Variants in MGRN1 observed in about 807,000 individuals in gnomAD.
MGRN1 encodes mahogunin ring finger 1, also known as E3 ubiquitin-protein ligase MGRN1.
Under a neutral mutation model 69.2 loss-of-function variants are expected in MGRN1, and 29 were observed. That is an observed-to-expected ratio of 0.42 (90% CI 0.31 to 0.57). MGRN1 has a LOEUF of 0.57. MGRN1 is among the 20% of genes least tolerant of loss of function. The probability of loss-of-function intolerance (pLI) is 0.15; values close to 1 mark genes in which losing one functional copy is unlikely to be tolerated. For missense variants in MGRN1, 998 were observed against 796.2 expected (o/e 1.25, Z -3.05); for synonymous variants, 470 against 344.2 (o/e 1.37, Z -4.04).
intron 1 of MGRN1, among the ~76,000 whole-genome samples, chr16:4,635,801 A>ACT (rs1898256778): frequency 8.0e-6 from 1 of 125,696 alleles, no homozygotes; most frequent in African/African-American, 3.2e-5. Flanking sequence ...CGCCCAGCTA[A>ACT]TTTTTTTTTT....
intron 5 of MGRN1, among the ~76,000 whole-genome samples, chr16:4,662,495 A>C (rs558060860): frequency 3.5e-4 from 53 of 151,762 alleles, no homozygotes; most frequent in Non-Finnish European, 6.3e-4. Flanking sequence ...CATCCTGGGT[A>C]ACAGATCAAG....
chr16:4,658,790 A>C (rs1470725902), intron 5 of MGRN1: 2 of 152,254 alleles, frequency 1.3e-5, no homozygotes, highest in Non-Finnish European at 2.9e-5. Context: ...GGATCATTTG[A>C]GGCCAGGAGT....
chr16:4,665,271 C>G lies in MGRN1; in HGVS notation c.678+120C>G, dbSNP rs944256976. On this transcript the variant is annotated intron_variant, in intron 7 of 16. Coordinates refer to ENST00000262370, the MANE Select transcript of MGRN1 (RefSeq NM_015246.4). ...GGTGGGGTGGCTGAGTGTCAAGGGC[C>G]CCGGGGCAGGTTGGGGCGTGTCTGT... The G allele has an allele frequency of 1.5e-5, 16 of 1,069,726 alleles. No homozygotes were observed. The African/African-American group carries it at 2.3e-4, about 16-fold the overall frequency. 66.3% of individuals were successfully genotyped at this position (1,069,726 alleles called of 1,614,324 possible). A position where few individuals can be genotyped will look rare whatever the true frequency, so the allele number is the denominator to read the frequency against.
chr16:4,668,931 C>G (rs2078875552), intron 8 of MGRN1, among the ~76,000 whole-genome samples: 2 of 152,106 alleles, frequency 1.3e-5, no homozygotes, highest in Non-Finnish European at 1.5e-5. Context: ...TACATACACA[C>G]AATCACTTGC....
chr16:4,650,999 C>T (rs2078394330), intron 2 of MGRN1: 1 of 151,986 alleles, frequency 6.6e-6, no homozygotes, highest in Non-Finnish European at 1.5e-5. Flanking sequence ...ATCCCAACTA[C>T]TCGGGAGGCT....
intron 1 of MGRN1, among the ~76,000 whole-genome samples, chr16:4,626,768 T>A (rs1897698963): frequency 6.6e-6 from 1 of 152,208 alleles, no homozygotes; most frequent in South Asian, 2.1e-4. Flanking sequence ...TCATTGCTAA[T>A]CACTCGTGGC....
rs545297167 is a variant in MGRN1, at chr16:4,636,046, C to G, written c.88+10998C>G. On this transcript the variant is annotated intron_variant, in intron 1 of 16. Coordinates refer to ENST00000262370, the MANE Select transcript of MGRN1 (RefSeq NM_015246.4). ...TGAACTCTTGACCTCAGGTGATCCA[C>G]CTGCCTCGGCCTCTGCAAGTGCTGG... Among the ~76,000 whole-genome samples the G allele has an allele frequency of 3.2e-3, 487 of 152,118 alleles. 1 individual carries two copies. Among genetic ancestry groups the G allele is most frequent in the Non-Finnish European group, 4.2e-3 (283 of 68,000 alleles).
chr16:4,655,209 C>G (rs1346230709), intron 4 of MGRN1, among the ~76,000 whole-genome samples: 2 of 152,148 alleles, frequency 1.3e-5, no homozygotes, highest in African/African-American at 2.4e-5. Flanking sequence ...GCTGAGGACA[C>G]AGGCCAGTGT....
At chr16:4,669,674 C>T (rs189621357) in intron 8 of MGRN1, among the ~76,000 whole-genome samples, 206 of 152,284 alleles carry the variant, frequency 1.4e-3, no homozygotes, top group African/African-American at 4.3e-3. Flanking sequence ...ACAAAGTCTG[C>T]AACTCCTTCT....
intron 16 of MGRN1, chr16:4,687,212 C>CCA (rs771719313): frequency 1.1e-5 from 11 of 985,174 alleles, no homozygotes; most frequent in Non-Finnish European, 1.3e-5. Flanking sequence ...CCCCATCCCC[C>CCA]CCAAGAGGCG....
At position 4,673,085 on chromosome 16, in the gene MGRN1, G is replaced by A. The variant is rs565964688; in HGVS notation, c.796-413G>A. 4.6e-5 allele frequency among the ~76,000 whole-genome samples: 7 copies of A among 152,232 alleles called. No homozygotes were observed. The South Asian group carries it at 6.2e-4, about 14-fold the overall frequency. ...GATCTCCTGACCTCGTGATCTGCCCGCCTCAGCCTCCCAAAGTGCTGGGAT... is the reference window on the plus strand; with the variant it reads ...GATCTCCTGACCTCGTGATCTGCCCACCTCAGCCTCCCAAAGTGCTGGGAT... On this transcript the variant is annotated intron_variant, in intron 9 of 16. Transcript: ENST00000262370.
intron 16 of MGRN1, 123 bp from the exon 17 acceptor site, chr16:4,688,673 C>T: frequency 6.9e-7 from 1 of 1,445,320 alleles, no homozygotes; most frequent in Non-Finnish European, 9.2e-7. Flanking sequence ...CTGTTGTGGC[C>T]ACAGGCGGCG....
intron 16 of MGRN1, among the ~76,000 whole-genome samples, chr16:4,684,272 C>T (rs1241953168): frequency 1.3e-5 from 2 of 152,234 alleles, no homozygotes; most frequent in East Asian, 3.8e-4. Context: ...GCTGCTCACG[C>T]CAGGAGGGCA....
In MGRN1 at chr16:4,650,570, C is replaced by G. The variant is rs1567191303; in HGVS notation, c.207+87C>G. ...TCCGCATCCCAGCCATGAGGGCAAG[C>G]AGGCACCAAATCACCCCTAAAGGGG... On this transcript the variant is annotated intron_variant, in intron 2 of 16. Transcript: ENST00000262370. 7.4e-6 allele frequency: 8 copies of G among 1,088,170 alleles called. No homozygotes were observed. In the East Asian group the frequency reaches 1.8e-4, roughly 24 times the overall value. 67.4% of individuals were successfully genotyped at this position (1,088,170 alleles called of 1,614,324 possible). A position where few individuals can be genotyped will look rare whatever the true frequency, so the allele number is the denominator to read the frequency against.
intron 10 of MGRN1, chr16:4,677,126 C>T (rs181022576): frequency 6.8e-4 from 139 of 205,520 alleles, no homozygotes; most frequent in African/African-American, 3.0e-3. Context: ...TCTGGAGCCC[C>T]GCCTTGGGCA....
At chr16:4,656,441 C>T (rs1246640249) in intron 4 of MGRN1, among the ~76,000 whole-genome samples, 1 of 152,238 alleles carries the variant, frequency 6.6e-6, no homozygotes, top group Non-Finnish European at 1.5e-5. Context: ...GAGACCCGCG[C>T]TGCATGTGGG....
chr16:4,674,942 G>A (rs933346577), intron 10 of MGRN1, among the ~76,000 whole-genome samples: 2 of 151,574 alleles, frequency 1.3e-5, no homozygotes, highest in African/African-American at 4.8e-5. Flanking sequence ...GCCTGGCCGA[G>A]CCACCGCTTT....
intron 1 of MGRN1, among the ~76,000 whole-genome samples, chr16:4,629,086 C>T (rs954457304): frequency 4.6e-5 from 7 of 151,948 alleles, no homozygotes; most frequent in African/African-American, 1.7e-4. Context: ...ATCTGCCCAC[C>T]TCAGCCTCCA....
rs769482252 is a variant in MGRN1 at position 4,688,880 on chromosome 16, C to T, written c.1703C>T (p.Pro568Leu). ...WPPLGGPSPD[P>L]SAAELTPL ...CCACTTGGTGGCCCCAGCCCCGATC[C>T]CAGCGCCGCCGAGCTGACCCCACTC... is the stretch of plus-strand genomic sequence containing the variant. The change falls in exon 17 of 17, where the codon CCC becomes CTC. Residue 568 changes from proline (P) to leucine (L), a missense_variant. By Grantham distance (98) the Pro-to-Leu change is moderately conservative. Coordinates refer to ENST00000262370, the MANE Select transcript of MGRN1 (RefSeq NM_015246.4). The T allele has an allele frequency of 9.0e-6, 14 of 1,552,408 alleles. 1 individual carries two copies. In the South Asian group the frequency reaches 1.4e-4, roughly 16 times the overall value.
Sources: allele counts gnomAD v4.1 joint callset (sites outside exome capture counted in the v4.1 genomes callset), GRCh38; gene constraint gnomAD v4.1.1; transcripts MANE v1.5; gene names NCBI Gene and HGNC (gene_info 2026-07-23, HGNC 2026-07-21).